PCDH15: variants seen among roughly 807,000 people sequenced by gnomAD.
PCDH15 encodes the protein protocadherin-15.
A neutral mutation model predicts 178.5 loss-of-function variants in PCDH15; 129 were observed. The observed-to-expected ratio is 0.72, with a 90% CI of 0.63 to 0.84. PCDH15 has a LOEUF of 0.84. Ranked by LOEUF, PCDH15 falls within the 40% of genes least tolerant of loss-of-function variation. The pLI is 0.00. For synonymous variants in PCDH15, 800 were observed against 732.0 expected (o/e 1.09, Z -1.50); for missense variants, 2,230 against 2,099.9 (o/e 1.06, Z -1.21).
intron 25 of PCDH15, among the ~76,000 whole-genome samples, chr10:53,933,102 T>A (rs1038761136): frequency 6.6e-6 from 1 of 152,020 alleles, no homozygotes; most frequent in African/African-American, 2.4e-5. Flanking sequence ...CCTGAAGAGA[T>A]TACAGAACCA....
intron 2 of PCDH15, among the ~76,000 whole-genome samples, chr10:55,410,882 G>A (rs1348795639): frequency 1.3e-5 from 2 of 151,960 alleles, no homozygotes; most frequent in African/African-American, 2.4e-5. Flanking sequence ...AGACATGTAC[G>A]CATTATTGCT....
At chr10:54,383,381 C>A (rs1421607390) in intron 3 of PCDH15, among the ~76,000 whole-genome samples, 2 of 151,682 alleles carry the variant, frequency 1.3e-5, no homozygotes, top group Non-Finnish European at 2.9e-5. Context: ...AGATAATAAG[C>A]AAAAAAAGTC....
intron 21 of PCDH15, among the ~76,000 whole-genome samples, chr10:53,981,057 T>C (rs1032757672): frequency 1.5e-4 from 23 of 152,212 alleles, no homozygotes; most frequent in Non-Finnish European, 3.1e-4. Context: ...TGTATTAACA[T>C]GAATAACACA....
At chr10:54,053,974 G>A (rs1215882996) in intron 18 of PCDH15, among the ~76,000 whole-genome samples, 1 of 152,122 alleles carries the variant, frequency 6.6e-6, no homozygotes, top group Non-Finnish European at 1.5e-5. Context: ...ATCAATATTG[G>A]TGATTACTTG....
chr10:53,924,190 G>A (rs1053044048), intron 25 of PCDH15, among the ~76,000 whole-genome samples: 10 of 152,180 alleles, frequency 6.6e-5, no homozygotes, highest in African/African-American at 1.7e-4. Context: ...AGGGAGAGGC[G>A]CAGGCGGGAA....
rs10430485 is a variant in PCDH15, at chr10:55,431,962, G to A, written c.-156+195663C>T. ...AACAAACGCTTATCTAAGCTCTAGG[G>A]AGATTGTAGTAAATAATACTGTAAA... On this transcript the variant is annotated intron_variant, in intron 2 of 5. Coordinates refer to the PCDH15 transcript ENST00000613346. Among the ~76,000 whole-genome samples the A allele has an allele frequency of 2.4e-4, 36 of 152,112 alleles. No homozygotes were observed. The East Asian group carries it at 5.8e-3, about 25-fold the overall frequency.
At chr10:55,586,701 T>C (rs1447219445) in intron 2 of PCDH15, among the ~76,000 whole-genome samples, 1 of 152,192 alleles carries the variant, frequency 6.6e-6, no homozygotes, top group Non-Finnish European at 1.5e-5. Flanking sequence ...CAAATGTATG[T>C]TTTAAGTTGA....
chr10:53,828,501 A>G lies in PCDH15; in HGVS notation c.4211+64T>C. 2.2e-6 allele frequency: 3 copies of G among 1,358,334 alleles called. No individual in the cohort carries two copies. The East Asian group carries it at 6.9e-5, about 31-fold the overall frequency. 84.1% of individuals were successfully genotyped at this position (1,358,334 alleles called of 1,614,324 possible). ...TTCTGAGCAGGCTGACTTGATTGAT[A>G]TAATCTCGGGTTTCTCTTTTCCTAT... On this transcript the variant is annotated intron_variant, in intron 31 of 37. Transcript: ENST00000644397.
chr10:55,547,817 G>A (rs1374175734), intron 2 of PCDH15, among the ~76,000 whole-genome samples: 2 of 151,844 alleles, frequency 1.3e-5, no homozygotes, highest in African/African-American at 2.4e-5. Flanking sequence ...CACCTTGTGT[G>A]TAGGAGGGGT....
chr10:53,999,329 C>T (rs541377632), intron 20 of PCDH15, among the ~76,000 whole-genome samples: 20 of 152,196 alleles, frequency 1.3e-4, no homozygotes, highest in African/African-American at 4.8e-4. Context: ...CTACTAGACA[C>T]TTTCTATTTG....
chr10:55,256,403 G>A (rs1842000128), intron 1 of PCDH15, among the ~76,000 whole-genome samples: 1 of 152,192 alleles, frequency 6.6e-6, no homozygotes, highest in South Asian at 2.1e-4. Flanking sequence ...AGCACACCGA[G>A]CATGAGCCGA....
Position 54,454,073 on chromosome 10 carries a change from G to T in PCDH15, c.157+73739C>A, listed in dbSNP as rs192633236. Among the ~76,000 whole-genome samples, 484 of 150,362 alleles carry T rather than the reference G, an allele frequency of 3.2e-3. 1 individual carries two copies. The highest frequency in any genetic ancestry group is 5.5e-3 in the Admixed American group (83 of 15,052). ...AGAGATTAAATATAACAGATTTATA[G>T]ATTTATAAACATATAACAGATTTAT... On this transcript the variant is annotated intron_variant, in intron 3 of 37. Coordinates refer to ENST00000644397, the MANE Select transcript of PCDH15 (RefSeq NM_001384140.1).
At chr10:54,696,170 G>A (rs76946228) in intron 1 of PCDH15, among the ~76,000 whole-genome samples, 1 of 151,914 alleles carries the variant, frequency 6.6e-6, no homozygotes, top group Non-Finnish European at 1.5e-5. Context: ...TATAGGAGGA[G>A]ATCAAATAAC....
intron 2 of PCDH15, among the ~76,000 whole-genome samples, chr10:55,152,571 T>C (rs1009478221): frequency 3.3e-5 from 5 of 152,144 alleles, no homozygotes; most frequent in African/African-American, 1.2e-4. Context: ...CATAAGTCAA[T>C]CTTTCCTGCT....
At chr10:54,664,134 C>G (rs2094533132) in intron 2 of PCDH15, 38 bp downstream of exon 2, 1 of 1,462,598 alleles carries the variant, frequency 6.8e-7, no homozygotes, top group Non-Finnish European at 9.6e-7. Flanking sequence ...AATAAAAATC[C>G]TGGCTCGCTC....
chr10:54,378,581 G>A (rs1006767949), intron 4 of PCDH15, among the ~76,000 whole-genome samples: 4 of 152,036 alleles, frequency 2.6e-5, no homozygotes, highest in Non-Finnish European at 4.4e-5. Flanking sequence ...GGATATTAAA[G>A]GGGAAGTCTA....
intron 2 of PCDH15, among the ~76,000 whole-genome samples, chr10:54,547,790 C>T (rs1403988197): frequency 6.6e-6 from 1 of 151,872 alleles, no homozygotes; most frequent in African/African-American, 2.4e-5. Flanking sequence ...TTAGGACATA[C>T]CCTTAGGAAC....
intron 32 of PCDH15, chr10:53,822,152 A>AATT: frequency 6.2e-7 from 1 of 1,614,010 alleles, no homozygotes; most frequent in African/African-American, 1.3e-5. Flanking sequence ...TAGAGGACTT[A>AATT]ATTTTCTCGG....
At chr10:54,677,246 G>A (rs376306442) in intron 1 of PCDH15, among the ~76,000 whole-genome samples, 2 of 152,026 alleles carry the variant, frequency 1.3e-5, no homozygotes, top group Non-Finnish European at 2.9e-5. Context: ...GGGAGTAAGG[G>A]CACACACCTG....
Sources: gnomAD v4.1 joint callset for allele counts (sites outside exome capture counted in the v4.1 genomes callset) on GRCh38, gnomAD v4.1.1 for gene constraint, MANE v1.5 for transcripts, NCBI Gene and HGNC (gene_info 2026-07-23, HGNC 2026-07-21) for gene names.